The following KLF17 variants were observed in gnomAD, a reference collection of about 807,000 sequenced individuals.
KLF17 encodes the protein KLF transcription factor 17, also known as Krueppel-like factor 17.
KLF17 carries 31 observed loss-of-function variants against 34.2 expected under a neutral mutation model. The observed-to-expected ratio is 0.91, with a 90% CI of 0.68 to 1.22. KLF17 has a LOEUF of 1.22. Ranked by LOEUF, KLF17 falls within the 50% of genes most tolerant of loss-of-function variation. KLF17 has a pLI of 0.00. For missense variants in KLF17, 478 were observed against 505.2 expected, an observed-to-expected ratio of 0.95 and a Z score of 0.52; for synonymous variants, 179 against 186.7, an observed-to-expected ratio of 0.96 and a Z score of 0.34.
the KLF17 span, among the ~76,000 whole-genome samples, chr1:44,053,919 G>C: frequency 6.6e-6 from 1 of 152,196 alleles, no homozygotes; most frequent in Non-Finnish European, 1.5e-5. Context: ...CATATCGTGT[G>C]GGAGGAGATG....
At chr1:44,113,326 G>A in the KLF17 span, among the ~76,000 whole-genome samples, 1 of 152,198 alleles carries the variant, frequency 6.6e-6, no homozygotes, top group African/African-American at 2.4e-5. Context: ...AGAACAGAAT[G>A]TACATATGTG....
At chr1:44,048,607 A>G in the KLF17 span, 2 of 152,234 alleles carry the variant, frequency 1.3e-5, no homozygotes, top group African/African-American at 2.4e-5. Flanking sequence ...TTGGTTACAA[A>G]TGAATATTTG....
chr1:44,065,415 T>G, the KLF17 span, among the ~76,000 whole-genome samples: 28 of 145,872 alleles, frequency 1.9e-4, no homozygotes, highest in African/African-American at 6.3e-4. Context: ...GTTTTTTTTT[T>G]TTTTTTTTTT....
At chr1:44,133,018 C>T (rs868326699) in intron 3 of KLF17, among the ~76,000 whole-genome samples, 8 of 152,150 alleles carry the variant, frequency 5.3e-5, no homozygotes, top group South Asian at 4.1e-4. Flanking sequence ...GTTTCCTGAA[C>T]GAGGCTGGTG....
the KLF17 span, among the ~76,000 whole-genome samples, chr1:44,093,203 T>C: frequency 1.3e-5 from 2 of 151,996 alleles, no homozygotes; most frequent in East Asian, 1.9e-4. Flanking sequence ...CCAACCTAAG[T>C]CCAGCTGGTT....
the KLF17 span, among the ~76,000 whole-genome samples, chr1:44,046,988 C>T: frequency 7.1e-6 from 1 of 140,094 alleles, no homozygotes; most frequent in Non-Finnish European, 1.5e-5. Context: ...GATCGTGCCA[C>T]TGCACTCCAG....
the KLF17 span, among the ~76,000 whole-genome samples, chr1:44,052,604 A>G: frequency 6.6e-6 from 1 of 152,222 alleles, no homozygotes; most frequent in Admixed American, 6.5e-5. Context: ...TTTGCAGCTT[A>G]TAATCCACTT....
chr1:44,086,502 AATAAAAATAAAT>A, the KLF17 span, among the ~76,000 whole-genome samples: 1 of 139,920 alleles, frequency 7.1e-6, no homozygotes, highest in African/African-American at 2.7e-5. Flanking sequence ...TAAATAAATA[AATAAAAATAAAT>A]TAAAAGCAGA....
At chr1:44,107,818 C>T in the KLF17 span, among the ~76,000 whole-genome samples, 3 of 152,208 alleles carry the variant, frequency 2.0e-5, no homozygotes, top group East Asian at 1.9e-4. Flanking sequence ...CTGTTAAACT[C>T]TTACTGTGTG....
At chr1:44,121,805 C>T (rs1409261510) in intron 1 of KLF17, among the ~76,000 whole-genome samples, 1 of 152,340 alleles carries the variant, frequency 6.6e-6, no homozygotes, top group East Asian at 1.9e-4. Flanking sequence ...GGAGACACAT[C>T]TGGCTACCAT....
the KLF17 span, among the ~76,000 whole-genome samples, chr1:44,097,639 A>G: frequency 6.6e-6 from 1 of 152,170 alleles, no homozygotes; most frequent in Non-Finnish European, 1.5e-5. Context: ...TTATAGGTAT[A>G]TTCTAGTACT....
chr1:44,114,563 G>A (rs905787302), upstream of KLF17: 1 of 152,238 alleles, frequency 6.6e-6, no homozygotes, highest in Non-Finnish European at 1.5e-5. Context: ...AAGAAAAGGG[G>A]GAAGAGCATT....
chr1:44,127,682 CTTTCTTTCTT>C (rs1557731978), intron 1 of KLF17, among the ~76,000 whole-genome samples: 9,488 of 48,888 alleles, frequency 0.19, 480 homozygotes, highest in South Asian at 0.27. Flanking sequence ...TTCTTTCTTT[CTTTCTTTCTT>C]TTTCTTTCTT....
At chr1:44,063,485 C>T in the KLF17 span, among the ~76,000 whole-genome samples, 59,370 of 151,964 alleles carry the variant, frequency 0.39, 11,887 homozygotes, top group East Asian at 0.57. Flanking sequence ...TTTTCATAGG[C>T]GTATTGTAAG....
chr1:44,122,235 T>TC, intron 1 of KLF17: 1 of 1,604,334 alleles, frequency 6.2e-7, no homozygotes, highest in Non-Finnish European at 8.5e-7. Context: ...TGCAACAGCT[T>TC]CCCTTTTCTT....
At chr1:44,056,765 A>G in the KLF17 span, among the ~76,000 whole-genome samples, 1 of 152,138 alleles carries the variant, frequency 6.6e-6, no homozygotes, top group Non-Finnish European at 1.5e-5. Flanking sequence ...TGTGGCCACC[A>G]CTGCTCTATT....
the KLF17 span, among the ~76,000 whole-genome samples, chr1:44,055,727 A>G: frequency 5.3e-5 from 8 of 152,208 alleles, no homozygotes; most frequent in Non-Finnish European, 1.0e-4. Context: ...TTACATGTGG[A>G]AGACACAATA....
At chr1:44,079,666 C>T in the KLF17 span, among the ~76,000 whole-genome samples, 3 of 151,994 alleles carry the variant, frequency 2.0e-5, no homozygotes, top group Non-Finnish European at 4.4e-5. Flanking sequence ...TTTTCCTGAC[C>T]GGAACCTGAT....
intron 1 of KLF17, chr1:44,122,165 A>T: frequency 1.9e-6 from 3 of 1,576,166 alleles, no homozygotes; most frequent in East Asian, 2.2e-5. Flanking sequence ...ATCGCCTAGG[A>T]CCCCCTCTTC....
Sources: gnomAD v4.1 joint callset for allele counts (sites outside exome capture counted in the v4.1 genomes callset) on GRCh38, gnomAD v4.1.1 for gene constraint, MANE v1.5 for transcripts, NCBI Gene and HGNC (gene_info 2026-07-23, HGNC 2026-07-21) for gene names.